The following ERP44 variants were observed in gnomAD, a reference collection of about 807,000 sequenced individuals.
The protein encoded by ERP44 is endoplasmic reticulum protein 44.
Under a neutral mutation model 53.4 loss-of-function variants are expected in ERP44, and 25 were observed. That is an observed-to-expected ratio of 0.47 (90% CI 0.34 to 0.65). The LOEUF is 0.65. Among genes scored for constraint, ERP44 ranks in the 30% least tolerant of loss-of-function variants. The pLI, the probability that ERP44 is intolerant of heterozygous loss-of-function variation, is 0.01. For missense variants in ERP44, 338 were observed against 493.2 expected (o/e 0.69, Z 2.98); for synonymous variants, 145 against 161.2 (o/e 0.90, Z 0.76).
At chr9:100,035,069 T>TCATATACAA (rs1825837342) in intron 4 of ERP44, among the ~76,000 whole-genome samples, 1 of 152,144 alleles carries the variant, frequency 6.6e-6, no homozygotes, top group African/African-American at 2.4e-5. Context: ...ATACAAAACT[T>TCATATACAA]AAGTCAAGAC....
In ERP44 at chr9:100,060,144, G is replaced by A; in HGVS notation, c.86C>T (p.Thr29Ile). Residue 29 changes from threonine to isoleucine, a missense_variant, in exon 2 of 12, where the codon ACT (threonine) becomes ATT (isoleucine). Thr to Ile is a moderately conservative substitution (Grantham distance 89, BLOSUM62 -1). Coordinates refer to ENST00000262455, the MANE Select transcript of ERP44 (RefSeq NM_015051.3). ...LVTWVFTPVT[T>I]EITSLDTENI... ...CTCTGTATCAAGACTTGTTATTTCA[G>A]TTGTTACAGGAGTAAAAACCCAAGT... The A allele has an allele frequency of 6.7e-7, 1 of 1,496,304 alleles. No individual in the cohort carries two copies. The highest frequency in any genetic ancestry group is 1.4e-5 in the South Asian group (1 of 69,888). The allele number at this position is 1,496,304 out of a possible 1,614,324, so 92.7% of individuals were successfully genotyped here.
At chr9:99,987,297 C>A (rs1372492933) in intron 10 of ERP44, among the ~76,000 whole-genome samples, 1 of 152,190 alleles carries the variant, frequency 6.6e-6, no homozygotes, top group Non-Finnish European at 1.5e-5. Context: ...AGAAAATAGA[C>A]TACGTGGTAA....
At chr9:100,059,511 C>T (rs12340162) in intron 2 of ERP44, among the ~76,000 whole-genome samples, 45 of 152,212 alleles carry the variant, frequency 3.0e-4, no homozygotes, top group African/African-American at 1.1e-3. Context: ...CATAGCAAGA[C>T]CATGTCTCTA....
At chr9:100,044,415 CT>C (rs112189483) in intron 4 of ERP44, among the ~76,000 whole-genome samples, 165 of 143,926 alleles carry the variant, frequency 1.1e-3, no homozygotes, top group African/African-American at 9.4e-4. Context: ...AAATGAAATT[CT>C]TTTTTTTTTT....
intron 11 of ERP44, 123 bp downstream of exon 11, chr9:99,984,844 A>C (rs1830180150): frequency 6.8e-6 from 4 of 589,908 alleles, no homozygotes; most frequent in Non-Finnish European, 1.2e-5. Context: ...TCTACTCAGA[A>C]TTTCTCTACA....
intron 4 of ERP44, among the ~76,000 whole-genome samples, chr9:100,039,946 T>A (rs1236772600): frequency 6.6e-6 from 1 of 151,954 alleles, no homozygotes; most frequent in African/African-American, 2.4e-5. Flanking sequence ...CCTAGACACA[T>A]ACAACCTACC....
chr9:99,997,628 C>A (rs1830326859), intron 10 of ERP44, among the ~76,000 whole-genome samples: 1 of 152,156 alleles, frequency 6.6e-6, no homozygotes, highest in African/African-American at 2.4e-5. Context: ...TGGGCAAATC[C>A]TTAAACCATG....
At position 100,022,067 on chromosome 9, in the gene ERP44, T is replaced by C. The variant is rs1309551582; in HGVS notation, c.446A>G (p.Asp149Gly). The C allele has an allele frequency of 6.2e-7, 1 of 1,613,636 alleles. No homozygotes were observed. The highest frequency in any genetic ancestry group is 1.3e-5 in the African/African-American group (1 of 74,916). ...ATCAAGAGTGGTGATTTCTGCTAAG[T>C]CCCGAATTTCTTGAATGGGGTCACT... ...QKSDPIQEIR[D>G]LAEITTLDRS... The change falls in exon 5 of 12, where the codon GAC (aspartate) becomes GGC (glycine). Residue 149 changes from aspartate to glycine, a missense_variant. Physicochemically the swap from Asp to Gly is moderately conservative, Grantham distance 94 (BLOSUM62 -1). Transcript: ENST00000262455.
chr9:100,037,700 C>T (rs1020918725), intron 4 of ERP44, among the ~76,000 whole-genome samples: 2 of 152,110 alleles, frequency 1.3e-5, no homozygotes, highest in Non-Finnish European at 2.9e-5. Flanking sequence ...GCACCCTTTC[C>T]AGGCCCTAGC....
intron 1 of ERP44, among the ~76,000 whole-genome samples, chr9:100,089,771 T>C (rs1349139096): frequency 2.6e-5 from 4 of 152,134 alleles, no homozygotes; most frequent in Admixed American, 1.3e-4. Context: ...TAGTTACTAT[T>C]GTTGATCTCT....
At chr9:99,998,474 C>G (rs1361921235) in intron 10 of ERP44, 1 of 704,270 alleles carries the variant, frequency 1.4e-6, no homozygotes, top group Non-Finnish European at 2.6e-6. Context: ...CTGCACTCTT[C>G]CTGGTCTCTC....
intron 10 of ERP44, chr9:99,999,144 G>T: frequency 1.8e-6 from 1 of 569,030 alleles, no homozygotes; most frequent in South Asian, 2.0e-5. Context: ...TACCGCGCTG[G>T]GAGGCCAGGG....
intron 10 of ERP44, among the ~76,000 whole-genome samples, chr9:99,997,250 C>T (rs7853485): frequency 0.68 from 103,027 of 152,020 alleles, 36,160 homozygotes; most frequent in East Asian, 0.91. Flanking sequence ...CTGTACTAGT[C>T]TACATTCCCA....
chr9:100,058,456 G>T (rs995857091), intron 2 of ERP44, among the ~76,000 whole-genome samples: 7 of 152,166 alleles, frequency 4.6e-5, no homozygotes, highest in African/African-American at 1.7e-4. Flanking sequence ...ATCATAAAAA[G>T]TAAAGTGGAA....
intron 9 of ERP44, 61 bp from the exon 10 acceptor site, chr9:100,006,708 A>G (rs1321797641): frequency 1.6e-5 from 19 of 1,216,730 alleles, no homozygotes; most frequent in Middle Eastern, 4.4e-4. Flanking sequence ...TTTTTGTAAG[A>G]TTGCAAGCTC....
At chr9:100,036,379 G>A (rs769303453) in intron 4 of ERP44, among the ~76,000 whole-genome samples, 2 of 152,128 alleles carry the variant, frequency 1.3e-5, no homozygotes, top group Non-Finnish European at 2.9e-5. Flanking sequence ...TATCCTAAGT[G>A]AACTAACACA....
At chr9:99,998,727 A>G in intron 10 of ERP44, 1 of 723,090 alleles carries the variant, frequency 1.4e-6, no homozygotes, top group Non-Finnish European at 2.5e-6. Context: ...CATTTTTTGC[A>G]TCTCTTTTCT....
intron 10 of ERP44, among the ~76,000 whole-genome samples, chr9:99,997,085 T>G (rs1388445557): frequency 6.6e-6 from 1 of 152,160 alleles, no homozygotes; most frequent in Non-Finnish European, 1.5e-5. Context: ...ATCTTGCAAT[T>G]GTGAATTGTG....
intron 10 of ERP44, among the ~76,000 whole-genome samples, chr9:99,997,408 T>TTTTC (rs34197645): frequency 0.68 from 102,552 of 151,682 alleles, 35,872 homozygotes; most frequent in East Asian, 0.91. Flanking sequence ...TTTAGCATTT[T>TTTTC]TTTAACAAAA....
Sources: allele counts gnomAD v4.1 joint callset (sites outside exome capture counted in the v4.1 genomes callset), GRCh38; gene constraint gnomAD v4.1.1; transcripts MANE v1.5; gene names NCBI Gene and HGNC (gene_info 2026-07-23, HGNC 2026-07-21).